Variants in SANBR observed in about 807,000 individuals in gnomAD.
The protein encoded by SANBR is SANT and BTB domain regulator of class switch recombination.
In SANBR, 77 loss-of-function variants were observed where a neutral mutation model predicts 101.8. The ratio of observed to expected loss-of-function variants is 0.76; its 90% CI spans 0.63 to 0.91. SANBR has a LOEUF of 0.91. SANBR is among the 40% of genes least tolerant of loss of function. The pLI is 0.00. For missense variants in SANBR, 875 were observed against 853.0 expected, an observed-to-expected ratio of 1.03 and a Z score of -0.32; for synonymous variants, 279 against 274.7, an observed-to-expected ratio of 1.02 and a Z score of -0.15.
At chr2:61,110,643 C>T (rs1683786762) in intron 16 of SANBR, among the ~76,000 whole-genome samples, 1 of 152,044 alleles carries the variant, frequency 6.6e-6, no homozygotes, top group Non-Finnish European at 1.5e-5. Context: ...TGTGCCATTG[C>T]ACTCCAGCCT....
rs904093694 is a variant in SANBR at position 61,123,549 on chromosome 2, G to A, written c.*1387G>A. ...TATTTTCGAAAGAAAATGTCTTGTA[G>A]TACATATTATATGTAAGTACTCTGT... On this transcript the variant is annotated 3_prime_UTR_variant, in exon 22 of 22. Transcript: ENST00000402291. 1.0e-6 allele frequency: 1 copy of A among 962,740 alleles called. No homozygotes were observed. Among genetic ancestry groups the A allele is most frequent in the Non-Finnish European group, 1.2e-6 (1 of 809,320 alleles). The allele number at this position is 962,740 out of a possible 1,614,324, so 59.6% of individuals were successfully genotyped here. A position where few individuals can be genotyped will look rare whatever the true frequency, so the allele number is the denominator to read the frequency against.
chr2:61,083,554 GC>G (rs1682258347), intron 8 of SANBR, among the ~76,000 whole-genome samples: 1 of 141,934 alleles, frequency 7.0e-6, no homozygotes, highest in African/African-American at 2.7e-5. Context: ...GCACCACCAT[GC>G]CCAGCTAAAT....
At chr2:61,074,130 A>G (rs1681632164) in intron 5 of SANBR, among the ~76,000 whole-genome samples, 2 of 152,306 alleles carry the variant, frequency 1.3e-5, no homozygotes, top group Non-Finnish European at 2.9e-5. Context: ...GTTCCTTTGT[A>G]TACTTACTTT....
rs1340078642 is a variant in SANBR at position 61,134,711 on chromosome 2, T to C, written c.*44+435T>C. Among the ~76,000 whole-genome samples, 5 of 151,916 alleles carry C rather than the reference T, an allele frequency of 3.3e-5. No individual in the cohort carries two copies. In the East Asian group the frequency reaches 9.7e-4, roughly 29 times the overall value. ...ATTGAGACCATCCTGGCCAACATGG[T>C]GAAACCCCCGTCTCTACTAAAAATA... is the stretch of plus-strand genomic sequence containing the variant. On this transcript the variant is annotated intron_variant, in intron 21 of 21. Coordinates refer to the SANBR transcript ENST00000295031.
chr2:61,115,369 C>T (rs1684027669), intron 16 of SANBR, among the ~76,000 whole-genome samples: 1 of 149,234 alleles, frequency 6.7e-6, no homozygotes, highest in East Asian at 2.0e-4. Context: ...GACAGAGTCT[C>T]GCTCTATCAC....
intron 21 of SANBR, 45 bp downstream of exon 21, chr2:61,121,321 GA>G: frequency 7.3e-7 from 1 of 1,373,586 alleles, no homozygotes; most frequent in Non-Finnish European, 1.0e-6. Context: ...GCTTTGAAGT[GA>G]ATTTTTTTTT....
chr2:61,085,512 C>T (rs1353857804), intron 8 of SANBR, among the ~76,000 whole-genome samples: 9 of 151,376 alleles, frequency 5.9e-5, no homozygotes, highest in Non-Finnish European at 1.3e-4. Flanking sequence ...CACTGTTACA[C>T]TGTCTTTTTT....
chr2:61,081,620 AAAC>A lies in SANBR; in HGVS notation c.729+113_729+115del, dbSNP rs900191561. 31 of 1,161,466 alleles carry A rather than the reference AAAC, an allele frequency of 2.7e-5. No individual in the cohort carries two copies. In the African/African-American group the frequency reaches 3.3e-4, roughly 12 times the overall value. The allele number at this position is 1,161,466 out of a possible 1,614,324, so 71.9% of individuals were successfully genotyped here. ...TTATTAAAATTATTGTTAATTGAAA[AAAC>A]AATTTAAAAAATTGTTAATTCAGGA... On this transcript the variant is annotated intron_variant, in intron 7 of 21. Coordinates refer to ENST00000402291, the MANE Select transcript of SANBR (RefSeq NM_001129993.3).
chr2:61,110,257 T>C (rs1162085936), intron 16 of SANBR, among the ~76,000 whole-genome samples: 1 of 152,194 alleles, frequency 6.6e-6, no homozygotes, highest in Non-Finnish European at 1.5e-5. Flanking sequence ...GAAAAAAGAA[T>C]GTTGGTCTGT....
chr2:61,128,089 G>A (rs572331041), downstream of SANBR, among the ~76,000 whole-genome samples: 15 of 151,836 alleles, frequency 9.9e-5, no homozygotes, highest in South Asian at 1.3e-3. Context: ...TGGCTAACAC[G>A]GTGAAACCCT....
chr2:61,079,179 A>T (rs1681953220), intron 6 of SANBR, among the ~76,000 whole-genome samples: 1 of 152,204 alleles, frequency 6.6e-6, no homozygotes, highest in Admixed American at 6.5e-5. Context: ...GGCAGATACA[A>T]CCCACATAAA....
chr2:61,121,996 A>C (rs771801978), intron 21 of SANBR, 130 bp from the exon 22 acceptor site: 4 of 1,246,898 alleles, frequency 3.2e-6, no homozygotes, highest in Non-Finnish European at 4.4e-6. Flanking sequence ...GAGTTTTAGA[A>C]AATGGATTAC....
chr2:61,131,008 T>C (rs1411713755), intron 20 of SANBR, among the ~76,000 whole-genome samples: 2 of 112,324 alleles, frequency 1.8e-5, no homozygotes, highest in Non-Finnish European at 3.6e-5. Context: ...ACAAGCCCAA[T>C]ATTCTTTCAT....
chr2:61,086,457 A>G (rs1682435516), intron 8 of SANBR, among the ~76,000 whole-genome samples: 1 of 152,184 alleles, frequency 6.6e-6, no homozygotes, highest in South Asian at 2.1e-4. Context: ...TAGTATTGAT[A>G]AAGGCTACCC....
intron 20 of SANBR, among the ~76,000 whole-genome samples, chr2:61,120,503 A>G (rs1039427397): frequency 6.6e-6 from 1 of 152,196 alleles, no homozygotes; most frequent in Non-Finnish European, 1.5e-5. Flanking sequence ...CTCCATCTCA[A>G]AAAGAACATT....
chr2:61,082,987 T>C (rs189176114), intron 7 of SANBR, among the ~76,000 whole-genome samples, 167 bp from the exon 8 acceptor site: 14 of 152,330 alleles, frequency 9.2e-5, no homozygotes, highest in Admixed American at 7.8e-4. Context: ...ACCTGCTAGA[T>C]TGCCTTTGGA....
At chr2:61,107,900 T>A (rs1055179795) in intron 14 of SANBR, among the ~76,000 whole-genome samples, 10 of 151,554 alleles carry the variant, frequency 6.6e-5, no homozygotes, top group African/African-American at 2.4e-4. Flanking sequence ...AAAAAAAAAA[T>A]TCACACATTA....
intron 16 of SANBR, among the ~76,000 whole-genome samples, chr2:61,113,499 C>T (rs1224973711): frequency 6.6e-6 from 1 of 152,094 alleles, no homozygotes; most frequent in Non-Finnish European, 1.5e-5. Context: ...TCTTTAATGT[C>T]TCTCAACAAT....
intron 12 of SANBR, among the ~76,000 whole-genome samples, chr2:61,100,468 G>A (rs1313959352): frequency 6.6e-6 from 1 of 152,182 alleles, no homozygotes; most frequent in East Asian, 1.9e-4. Context: ...TTGAGAAGGA[G>A]AGGTTGATGG....
Sources: gnomAD v4.1 joint callset for allele counts (sites outside exome capture counted in the v4.1 genomes callset) on GRCh38, gnomAD v4.1.1 for gene constraint, MANE v1.5 for transcripts, NCBI Gene and HGNC (gene_info 2026-07-23, HGNC 2026-07-21) for gene names.